The following GPHN variants were observed in gnomAD, a reference collection of about 807,000 sequenced individuals.
GPHN encodes the protein gephyrin.
In GPHN, 17 loss-of-function variants were observed where a neutral mutation model predicts 95.5. The observed-to-expected ratio is 0.18, with a 90% CI of 0.12 to 0.27. The LOEUF (loss-of-function observed/expected upper bound fraction) is 0.27. Among genes scored for constraint, GPHN ranks in the 10% least tolerant of loss-of-function variants. The pLI, the probability that GPHN is intolerant of heterozygous loss-of-function variation, is 1.00. For synonymous variants in GPHN, 320 were observed against 322.5 expected (o/e 0.99, Z 0.08); for missense variants, 660 against 978.1 (o/e 0.67, Z 4.34).
At chr14:66,787,569 A>G (rs961291076) in intron 3 of GPHN, among the ~76,000 whole-genome samples, 1 of 152,220 alleles carries the variant, frequency 6.6e-6, no homozygotes, top group Non-Finnish European at 1.5e-5. Flanking sequence ...ACTCTACCCA[A>G]TGAAAGTTTC....
chr14:67,563,650 C>G, the GPHN span, among the ~76,000 whole-genome samples: 2 of 151,698 alleles, frequency 1.3e-5, no homozygotes, highest in African/African-American at 4.8e-5. Context: ...TCAGGCTGGC[C>G]TCAAACTCCT....
chr14:67,648,432 A>C, the GPHN span: 2 of 332,708 alleles, frequency 6.0e-6, no homozygotes, highest in African/African-American at 4.2e-5. Context: ...TTAAACAATT[A>C]AATACAAGAA....
At chr14:67,116,789 A>G (rs186644872) in intron 16 of GPHN, among the ~76,000 whole-genome samples, 158 of 152,358 alleles carry the variant, frequency 1.0e-3, no homozygotes, top group Non-Finnish European at 1.5e-3. Flanking sequence ...TTTCTAAACC[A>G]AATTCTTAAA....
the GPHN span, among the ~76,000 whole-genome samples, chr14:67,484,963 C>T: frequency 1.3e-5 from 2 of 152,082 alleles, no homozygotes; most frequent in African/African-American, 4.8e-5. Context: ...GTGTAATATT[C>T]CAGCAAGCGG....
At chr14:67,023,880 A>G (rs1390575627) in intron 10 of GPHN, among the ~76,000 whole-genome samples, 2 of 152,142 alleles carry the variant, frequency 1.3e-5, no homozygotes, top group African/African-American at 4.8e-5. Context: ...GCAAGCTGAC[A>G]CCAGAACTTT....
intron 8 of GPHN, among the ~76,000 whole-genome samples, chr14:66,963,013 TTTG>T (rs969754000): frequency 6.6e-6 from 1 of 152,056 alleles, no homozygotes; most frequent in African/African-American, 2.4e-5. Flanking sequence ...CTCCCTTCAG[TTTG>T]TTTTCTTTTG....
chr14:67,436,721 G>A, the GPHN span, among the ~76,000 whole-genome samples: 2 of 152,338 alleles, frequency 1.3e-5, no homozygotes, highest in East Asian at 3.9e-4. Context: ...GCAGTGAGCT[G>A]CCCTCTGGAG....
intron 5 of GPHN, among the ~76,000 whole-genome samples, chr14:66,881,168 G>C (rs551502240): frequency 2.0e-5 from 3 of 151,898 alleles, no homozygotes; most frequent in Non-Finnish European, 4.4e-5. Flanking sequence ...TGGGTCATTA[G>C]TTACTATGTT....
chr14:66,640,882 C>T (rs2064358373), intron 1 of GPHN, among the ~76,000 whole-genome samples: 1 of 152,112 alleles, frequency 6.6e-6, no homozygotes, highest in Non-Finnish European at 1.5e-5. Flanking sequence ...GCTTATTCTT[C>T]CTCTGTTTTG....
At chr14:67,401,488 G>A in the GPHN span, among the ~76,000 whole-genome samples, 1 of 151,986 alleles carries the variant, frequency 6.6e-6, no homozygotes, top group Non-Finnish European at 1.5e-5. Context: ...CTGCAGCCTG[G>A]GCAACAGAGT....
the GPHN span, among the ~76,000 whole-genome samples, chr14:67,322,976 T>C: frequency 6.6e-6 from 1 of 152,210 alleles, no homozygotes; most frequent in African/African-American, 2.4e-5. Flanking sequence ...TTATGTTCTA[T>C]GATTTTGCTT....
At chr14:67,372,501 C>T in the GPHN span, among the ~76,000 whole-genome samples, 18 of 152,114 alleles carry the variant, frequency 1.2e-4, no homozygotes, top group African/African-American at 4.3e-4. Flanking sequence ...AAAAGACAAA[C>T]CAGCATATTT....
At chr14:67,421,231 C>T in the GPHN span, among the ~76,000 whole-genome samples, 2 of 152,146 alleles carry the variant, frequency 1.3e-5, no homozygotes, top group African/African-American at 4.8e-5. Context: ...CTGCCTAAGC[C>T]TCAGAGGGTT....
At chr14:66,934,191 A>C (rs1458645211) in intron 8 of GPHN, among the ~76,000 whole-genome samples, 1 of 150,964 alleles carries the variant, frequency 6.6e-6, no homozygotes, top group East Asian at 1.9e-4. Flanking sequence ...TTGCTTTTTT[A>C]AATTACTTCT....
the GPHN span, chr14:67,576,064 T>C: frequency 7.5e-7 from 1 of 1,330,206 alleles, no homozygotes; most frequent in South Asian, 1.4e-5. The surrounding 1 kb of genome is among the most constrained non-coding windows in gnomAD (Gnocchi z 4.0). Context: ...TGATCTTCCC[T>C]TCTCTCTTTC....
At chr14:67,296,199 G>C in the GPHN span, among the ~76,000 whole-genome samples, 1 of 152,200 alleles carries the variant, frequency 6.6e-6, no homozygotes, top group Non-Finnish European at 1.5e-5. Flanking sequence ...GGAAGCGTAA[G>C]AAAGAGGAAA....
At chr14:67,730,769 A>G in the GPHN span, among the ~76,000 whole-genome samples, 4 of 152,056 alleles carry the variant, frequency 2.6e-5, no homozygotes, top group East Asian at 7.7e-4. Flanking sequence ...ACACCTGACT[A>G]GTTTTTGTAT....
At chr14:67,375,578 A>G in the GPHN span, among the ~76,000 whole-genome samples, 45 of 152,180 alleles carry the variant, frequency 3.0e-4, no homozygotes, top group African/African-American at 9.2e-4. Flanking sequence ...ATCTTGCTTA[A>G]TCCCAGTAAG....
chr14:66,793,608 A>G (rs541865642), intron 3 of GPHN, among the ~76,000 whole-genome samples: 1 of 152,238 alleles, frequency 6.6e-6, no homozygotes, highest in Non-Finnish European at 1.5e-5. Context: ...TCTGTGTGTG[A>G]TTGTGTATAC....
Sources: gnomAD v4.1 joint callset for allele counts (sites outside exome capture counted in the v4.1 genomes callset) on GRCh38, gnomAD v4.1.1 for gene constraint, Gnocchi (gnomAD v3.1) non-coding constraint, MANE v1.5 for transcripts, NCBI Gene and HGNC (gene_info 2026-07-23, HGNC 2026-07-21) for gene names.